The following GOLGA4 variants were observed in gnomAD, a reference collection of about 807,000 sequenced individuals.
GOLGA4 encodes the protein golgin subfamily A member 4.
A neutral mutation model predicts 265.9 loss-of-function variants in GOLGA4; 169 were observed. The observed-to-expected ratio is 0.64, with a 90% CI of 0.56 to 0.72. GOLGA4 has a LOEUF of 0.72. GOLGA4 is among the 30% of genes least tolerant of loss of function. GOLGA4 has a pLI of 0.00. For synonymous variants in GOLGA4, 923 were observed against 855.8 expected (o/e 1.08, Z -1.37); for missense variants, 2,482 against 2,483.4 (o/e 1.00, Z 0.01).
intron 18 of GOLGA4, among the ~76,000 whole-genome samples, 197 bp downstream of exon 18, chr3:37,337,360 G>C (rs181827905): frequency 1.3e-5 from 2 of 151,466 alleles, no homozygotes; most frequent in Non-Finnish European, 2.9e-5. Flanking sequence ...CACCACGCCC[G>C]GCCAATTTTT....
At chr3:37,314,280 G>A (rs948351790) in intron 10 of GOLGA4, among the ~76,000 whole-genome samples, 1 of 152,024 alleles carries the variant, frequency 6.6e-6, no homozygotes, top group African/African-American at 2.4e-5. Flanking sequence ...TATTTTTGGT[G>A]CCAAGTTACA....
At chr3:37,343,807 T>C (rs1013832300) in intron 20 of GOLGA4, among the ~76,000 whole-genome samples, 1 of 152,232 alleles carries the variant, frequency 6.6e-6, no homozygotes, top group Non-Finnish European at 1.5e-5. Context: ...TAAAGGAAGT[T>C]GTGTAATTCT....
At chr3:37,294,027 C>T (rs150965942) in intron 5 of GOLGA4, among the ~76,000 whole-genome samples, 3 of 152,180 alleles carry the variant, frequency 2.0e-5, no homozygotes, top group East Asian at 1.9e-4. Context: ...ATGAAACCAC[C>T]GTCATATGTG....
In GOLGA4 at chr3:37,361,283, A is replaced by G. The variant is rs1696249534; in HGVS notation, c.*11A>G. The G allele has an allele frequency of 1.5e-5, 24 of 1,612,730 alleles. No homozygotes were observed. The highest frequency in any genetic ancestry group is 1.9e-5 in the Non-Finnish European group (22 of 1,178,996). ...AGTGGTATCTTCTGAGTAAACCATC[A>G]GTCTGTGCTTAGTTAACATGTGGTG... On this transcript the variant is annotated 3_prime_UTR_variant, in exon 23 of 24. Coordinates refer to ENST00000361924, the MANE Select transcript of GOLGA4 (RefSeq NM_002078.5).
At chr3:37,301,187 A>G (rs2096891657) in intron 9 of GOLGA4, among the ~76,000 whole-genome samples, 1 of 152,236 alleles carries the variant, frequency 6.6e-6, no homozygotes, top group South Asian at 2.1e-4. Context: ...AGACAAGTGA[A>G]CCACCTCATT....
rs756204041 is a variant in GOLGA4 at position 37,325,542 on chromosome 3, T to C, written c.3656T>C (p.Ile1219Thr). Residue 1219 changes from isoleucine to threonine, a missense_variant, in exon 14 of 24, where the codon ATT becomes ACT. Around this residue, in one of 3 missense-constraint regions of GOLGA4, gnomAD observed 1,536 missense variants for 1,483.7 expected, o/e 1.04. Transcript: ENST00000361924. Reference sequence around the variant, plus strand: ...GAGGAACTAGCGATTCAGCTAGATATTTGCTGTAAGAAAACCGAAGCCTTA... The same window carrying C: ...GAGGAACTAGCGATTCAGCTAGATACTTGCTGTAAGAAAACCGAAGCCTTA... ...LSEELAIQLD[I>T]CCKKTEALLE... The C allele has an allele frequency of 5.3e-5, 86 of 1,613,824 alleles. No individual in the cohort carries two copies. The highest frequency in any genetic ancestry group is 3.3e-4 in the Middle Eastern group (2 of 6,062).
chr3:37,341,133 C>CT (rs2097032503), intron 20 of GOLGA4, among the ~76,000 whole-genome samples: 1 of 151,138 alleles, frequency 6.6e-6, no homozygotes, highest in African/African-American at 2.4e-5. Flanking sequence ...TGCCATTGCA[C>CT]TAAAAAAAAA....
intron 7 of GOLGA4, 24 bp from the exon 8 acceptor site, chr3:37,298,809 C>G: frequency 6.4e-7 from 1 of 1,555,248 alleles, no homozygotes. Flanking sequence ...CTGATGGGCC[C>G]TTCTTATGTT....
rs758806004 is a variant in GOLGA4, at chr3:37,325,317, A to G, written c.3431A>G (p.Asn1144Ser). The change falls in exon 14 of 24, where the codon AAT becomes AGT. Residue 1144 changes from asparagine to serine, a missense_variant. Physicochemically the swap from Asn to Ser is conservative, Grantham distance 46. Around this residue, in one of 3 missense-constraint regions of GOLGA4, gnomAD observed 1,536 missense variants for 1,483.7 expected, o/e 1.04. Transcript: ENST00000361924. ...CTTGAAAAGCTAGAGGTTGACTTGA[A>G]TAAGTCTCTGAAGGAAAATACTTTT... ...AHLEKLEVDL[N>S]KSLKENTFLQ... The G allele has an allele frequency of 1.2e-6, 2 of 1,613,738 alleles. No homozygotes were observed. Among genetic ancestry groups the G allele is most frequent in the Non-Finnish European group, 1.7e-6 (2 of 1,179,702 alleles).
chr3:37,254,270 A>G (rs562240588), intron 2 of GOLGA4, among the ~76,000 whole-genome samples: 15 of 152,290 alleles, frequency 9.8e-5, no homozygotes, highest in Admixed American at 3.9e-4. Flanking sequence ...TGTAAATAAT[A>G]CTTAAGAAAA....
At chr3:37,273,584 GA>G in intron 2 of GOLGA4, 1 of 1,495,064 alleles carries the variant, frequency 6.7e-7, no homozygotes, top group Non-Finnish European at 9.0e-7. Flanking sequence ...TAATGGAAGT[GA>G]ACCAAGCATT....
intron 22 of GOLGA4, among the ~76,000 whole-genome samples, chr3:37,359,208 C>T (rs917828421): frequency 2.0e-5 from 3 of 152,162 alleles, no homozygotes; most frequent in African/African-American, 4.8e-5. Context: ...ACTGGATATT[C>T]GAGTAGCACA....
At chr3:37,274,508 A>G (rs949051918) in intron 2 of GOLGA4, among the ~76,000 whole-genome samples, 4 of 152,086 alleles carry the variant, frequency 2.6e-5, no homozygotes, top group African/African-American at 4.8e-5. Context: ...CCCAGCCAAC[A>G]TAGTGAAACC....
Position 37,296,073 on chromosome 3 carries a change from C to G in GOLGA4, c.682-14C>G, listed in dbSNP as rs1379892405. ...TTTTTTTGACTTTTTTCTAATGAAG[C>G]ACATTTATATTAGGTTTCTCTACTG... On this transcript the variant is annotated splice_polypyrimidine_tract_variant and intron_variant, in intron 6 of 23. Transcript: ENST00000361924. 2.5e-6 allele frequency: 4 copies of G among 1,611,276 alleles called. No homozygotes were observed. The highest frequency in any genetic ancestry group is 8.5e-7 in the Non-Finnish European group (1 of 1,177,754).
rs1310707591 is a variant in GOLGA4, at chr3:37,319,250, TATC to T, written c.1545+60_1545+62del. On this transcript the variant is annotated intron_variant, in intron 12 of 23. Transcript: ENST00000361924. ...GGTATACTTCTCAGAGTTACAAAGT[TATC>T]ATCCTCTCACTGTTGCATTCCAGTT... The T allele has an allele frequency of 1.2e-5, 17 of 1,386,398 alleles. No homozygotes were observed. The African/African-American group carries it at 1.7e-4, about 14-fold the overall frequency. The allele number at this position is 1,386,398 out of a possible 1,614,324, so 85.9% of individuals were successfully genotyped here.
chr3:37,329,308 A>G, intron 16 of GOLGA4: 2 of 383,762 alleles, frequency 5.2e-6, no homozygotes, highest in Non-Finnish European at 9.2e-6. Flanking sequence ...TCTGCTAACT[A>G]GGCAGCACAG....
At chr3:37,253,035 G>A (rs890502381) in intron 2 of GOLGA4, among the ~76,000 whole-genome samples, 2 of 152,088 alleles carry the variant, frequency 1.3e-5, no homozygotes, top group African/African-American at 4.8e-5. Flanking sequence ...GATTGCTTGA[G>A]TCCAGGAGTT....
At chr3:37,297,212 C>T (rs896728366) in intron 7 of GOLGA4, among the ~76,000 whole-genome samples, 1 of 152,176 alleles carries the variant, frequency 6.6e-6, no homozygotes, top group Admixed American at 6.5e-5. Context: ...AATAAAATTC[C>T]CGTCTTTTAT....
At chr3:37,330,543 C>G (rs2096986556) in intron 16 of GOLGA4, among the ~76,000 whole-genome samples, 1 of 152,086 alleles carries the variant, frequency 6.6e-6, no homozygotes, top group Non-Finnish European at 1.5e-5. Context: ...AGACAGGTTA[C>G]CGTATACCCT....
Sources: gnomAD v4.1 joint callset for allele counts (sites outside exome capture counted in the v4.1 genomes callset) on GRCh38, gnomAD v4.1.1 for gene constraint, gnomAD v4.1.1 regional missense constraint, MANE v1.5 for transcripts, NCBI Gene and HGNC (gene_info 2026-07-23, HGNC 2026-07-21) for gene names.